Variants in TPO observed in about 807,000 individuals in gnomAD.
TPO encodes the protein thyroid peroxidase, also known as thyroid microsomal antigen.
A neutral mutation model predicts 96.9 loss-of-function variants in TPO; 78 were observed. The ratio of observed to expected loss-of-function variants is 0.81; its 90% CI spans 0.67 to 0.97. The LOEUF is 0.97. Ranked by LOEUF, TPO falls within the 50% of genes least tolerant of loss-of-function variation. TPO has a pLI of 0.00. For synonymous variants in TPO, 547 were observed against 538.0 expected (o/e 1.02, Z -0.23); for missense variants, 1,252 against 1,274.8 (o/e 0.98, Z 0.27).
At chr2:1,436,171 A>T in intron 4 of TPO, 81 bp from the exon 5 acceptor site, 1 of 1,608,120 alleles carries the variant, frequency 6.2e-7, no homozygotes, top group Non-Finnish European at 8.5e-7. Flanking sequence ...TGCTGGAGTC[A>T]CTTTTGAGAC....
intron 1 of TPO, among the ~76,000 whole-genome samples, chr2:1,396,137 T>A (rs1162294254): frequency 6.6e-6 from 1 of 151,944 alleles, no homozygotes; most frequent in South Asian, 2.1e-4. Context: ...CCAGGCCCCA[T>A]CTCCCCTTGG....
At chr2:1,499,958 T>C (rs552305145) in intron 13 of TPO, among the ~76,000 whole-genome samples, 181 of 152,354 alleles carry the variant, frequency 1.2e-3, no homozygotes, top group African/African-American at 4.3e-3. Flanking sequence ...GGCCTGTTGA[T>C]ATTAACACTG....
intron 15 of TPO, among the ~76,000 whole-genome samples, chr2:1,527,082 C>G (rs1676732647): frequency 7.2e-6 from 1 of 138,036 alleles, no homozygotes; most frequent in Non-Finnish European, 1.5e-5. Flanking sequence ...TGTGTGCCAC[C>G]TCCCCAAATC....
chr2:1,434,734 A>G (rs1258235225), intron 4 of TPO, among the ~76,000 whole-genome samples: 2 of 152,072 alleles, frequency 1.3e-5, no homozygotes, highest in Non-Finnish European at 2.9e-5. Flanking sequence ...GAACTTAAGA[A>G]CTCCATAATT....
In TPO at chr2:1,456,060, G is replaced by T; in HGVS notation, c.613-16G>T. On this transcript the variant is annotated splice_polypyrimidine_tract_variant and intron_variant, in intron 6 of 16. Coordinates refer to ENST00000329066, the MANE Select transcript of TPO (RefSeq NM_001206744.2). ...GGGTCCTCCTATGTCCTGACCAATG[G>T]TCTCTTCCTACCCAGGTCCGGGAGG... The T allele has an allele frequency of 6.2e-7, 1 of 1,612,304 alleles. No individual in the cohort carries two copies.
chr2:1,468,232 G>T (rs766033682), intron 7 of TPO, among the ~76,000 whole-genome samples: 8 of 152,088 alleles, frequency 5.3e-5, no homozygotes, highest in Non-Finnish European at 1.0e-4. Context: ...TGTGCTATTT[G>T]TTGCCTGTAC....
intron 1 of TPO, among the ~76,000 whole-genome samples, chr2:1,404,349 AC>A (rs146519370): frequency 0.011 from 1,719 of 152,266 alleles, 18 homozygotes; most frequent in Non-Finnish European, 0.018. Context: ...CTCTGCTGTG[AC>A]CCAGTGAGAG....
chr2:1,378,386 CT>C (rs1490397008), intron 1 of TPO, among the ~76,000 whole-genome samples: 2 of 152,210 alleles, frequency 1.3e-5, no homozygotes, highest in African/African-American at 4.8e-5. Context: ...TCAGGAGCTG[CT>C]TTTTCCCAGG....
intron 15 of TPO, among the ~76,000 whole-genome samples, chr2:1,525,738 C>A (rs1422225547): frequency 1.7e-5 from 2 of 114,702 alleles, no homozygotes; most frequent in Admixed American, 1.9e-4. Context: ...TCTGCAAACT[C>A]CCCAAATCTC....
At chr2:1,380,280 G>C (rs1205591553) in intron 1 of TPO, among the ~76,000 whole-genome samples, 1 of 151,472 alleles carries the variant, frequency 6.6e-6, no homozygotes, top group Admixed American at 6.6e-5. Context: ...TGTAGTCCCA[G>C]CTACTCGGGA....
At chr2:1,411,339 G>A (rs746769006), upstream of TPO, among the ~76,000 whole-genome samples, 7 of 152,132 alleles carry the variant, frequency 4.6e-5, no homozygotes, top group African/African-American at 7.2e-5. Context: ...GCTACAAAAC[G>A]ACCTGGAGAG....
chr2:1,532,933 C>G (rs1191289620), intron 15 of TPO, among the ~76,000 whole-genome samples: 1 of 119,028 alleles, frequency 8.4e-6, no homozygotes, highest in African/African-American at 3.7e-5. Flanking sequence ...AAATCTCCCC[C>G]ACTATGTGCA....
intron 15 of TPO, among the ~76,000 whole-genome samples, chr2:1,530,920 CTG>C (rs1198347867): frequency 3.0e-5 from 2 of 67,160 alleles, no homozygotes; most frequent in Admixed American, 4.2e-4. Flanking sequence ...CCCCCCCACT[CTG>C]TGCGACCTCC....
At chr2:1,506,035 C>G (rs185108596) in intron 14 of TPO, among the ~76,000 whole-genome samples, 135 of 151,366 alleles carry the variant, frequency 8.9e-4, no homozygotes, top group African/African-American at 3.1e-3. Context: ...ATCCTTCCCC[C>G]CTCCCCCAAC....
intron 8 of TPO, among the ~76,000 whole-genome samples, chr2:1,480,963 C>G (rs1352258786): frequency 6.6e-6 from 1 of 151,196 alleles, no homozygotes; most frequent in Non-Finnish European, 1.5e-5. Context: ...AGCCCTGGGC[C>G]ACAGGACTTC....
intron 13 of TPO, among the ~76,000 whole-genome samples, chr2:1,503,087 C>A (rs1673036531): frequency 1.3e-5 from 2 of 152,224 alleles, no homozygotes; most frequent in African/African-American, 2.4e-5. Flanking sequence ...TGGACCCCGG[C>A]TCCTCCACTC....
At chr2:1,446,366 C>T (rs190352308) in intron 5 of TPO, among the ~76,000 whole-genome samples, 12 of 152,288 alleles carry the variant, frequency 7.9e-5, no homozygotes, top group South Asian at 2.1e-4. Context: ...CAGGCATGGG[C>T]GCCTCTCTGC....
At chr2:1,374,585 C>T (rs1455047259) in intron 1 of TPO, among the ~76,000 whole-genome samples, 1 of 152,048 alleles carries the variant, frequency 6.6e-6, no homozygotes, top group Non-Finnish European at 1.5e-5. Flanking sequence ...ATGTGTTTGC[C>T]CCTTTCGGGT....
intron 2 of TPO, among the ~76,000 whole-genome samples, chr2:1,421,948 G>A (rs1663585781): frequency 6.6e-6 from 1 of 152,180 alleles, no homozygotes; most frequent in Non-Finnish European, 1.5e-5. Flanking sequence ...CGGCTGTGCT[G>A]GGGGTCCCCG....
Sources: allele counts gnomAD v4.1 joint callset (sites outside exome capture counted in the v4.1 genomes callset), GRCh38; gene constraint gnomAD v4.1.1; transcripts MANE v1.5; gene names NCBI Gene and HGNC (gene_info 2026-07-23, HGNC 2026-07-21).